PTPRE: variants seen among roughly 807,000 people sequenced by gnomAD.
The protein encoded by PTPRE is receptor-type tyrosine-protein phosphatase epsilon.
Under a neutral mutation model 102.0 loss-of-function variants are expected in PTPRE, and 51 were observed. The observed-to-expected ratio is 0.50, with a 90% CI of 0.40 to 0.63. PTPRE has a LOEUF of 0.63. PTPRE is among the 30% of genes least tolerant of loss of function. The pLI is 0.00. For missense variants in PTPRE, 752 were observed against 915.1 expected (o/e 0.82, Z 2.30); for synonymous variants, 345 against 348.2 (o/e 0.99, Z 0.10).
chr10:127,919,844 T>C (rs1412241365), intron 1 of PTPRE, among the ~76,000 whole-genome samples: 2 of 152,236 alleles, frequency 1.3e-5, no homozygotes. Context: ...TATGTCAAAA[T>C]ACACATCCTG....
chr10:128,061,111 CT>C, intron 8 of PTPRE, 96 bp downstream of exon 8: 1 of 1,257,338 alleles, frequency 8.0e-7, no homozygotes, highest in Non-Finnish European at 1.1e-6. Context: ...TTGTCACAAC[CT>C]TTCTGGGCAG....
At chr10:127,963,909 A>C (rs57688074) in intron 1 of PTPRE, among the ~76,000 whole-genome samples, 5,614 of 152,172 alleles carry the variant, frequency 0.037, 372 homozygotes, top group African/African-American at 0.13. Context: ...AGCTACCTTG[A>C]CCCTCTGTGC....
At chr10:127,972,566 G>A (rs1201942781) in intron 1 of PTPRE, among the ~76,000 whole-genome samples, 1 of 152,204 alleles carries the variant, frequency 6.6e-6, no homozygotes. Flanking sequence ...CCTTACCTGG[G>A]CTTTACCCTC....
At chr10:128,079,803 T>C (rs1047597769) in intron 20 of PTPRE, 108 bp downstream of exon 20, 15 of 1,374,096 alleles carry the variant, frequency 1.1e-5, no homozygotes, top group East Asian at 2.4e-5. Context: ...GGTGGGAAGG[T>C]AAAATTCCCA....
chr10:128,073,495 T>A, intron 17 of PTPRE, 24 bp downstream of exon 17: 1 of 1,601,702 alleles, frequency 6.2e-7, no homozygotes, highest in Non-Finnish European at 8.5e-7. Flanking sequence ...CCCAGCCCGG[T>A]CCCTCCAGGG....
chr10:128,035,184 A>G (rs1435028813), intron 2 of PTPRE, among the ~76,000 whole-genome samples: 1 of 152,098 alleles, frequency 6.6e-6, no homozygotes, highest in Non-Finnish European at 1.5e-5. Context: ...GGGTTTTGCC[A>G]TATTGCCCAG....
Position 127,959,844 on chromosome 10 carries a change from A to G in PTPRE, c.-30-22430A>G, listed in dbSNP as rs565378913. Among the ~76,000 whole-genome samples the G allele has an allele frequency of 1.3e-3, 194 of 152,286 alleles. 1 individual carries two copies. The highest frequency in any genetic ancestry group is 4.6e-3 in the African/African-American group (190 of 41,560). ...CCTTGCAGGCTGCTTGTGAGGGTCC[A>G]TGAGATATTATGAAGCTTCTAGCAC... On this transcript the variant is annotated intron_variant, in intron 1 of 20. Transcript: ENST00000254667.
chr10:128,071,210 C>T (rs1379601459), intron 15 of PTPRE: 9 of 406,292 alleles, frequency 2.2e-5, no homozygotes, highest in East Asian at 4.6e-5. Flanking sequence ...TGGAGATTTG[C>T]GGCAGGCACG....
At chr10:127,947,328 G>A (rs993081817) in intron 1 of PTPRE, among the ~76,000 whole-genome samples, 5 of 152,220 alleles carry the variant, frequency 3.3e-5, no homozygotes, top group South Asian at 2.1e-4. Flanking sequence ...CCAGATTCAC[G>A]TGCATTCAAA....
Position 128,070,823 on chromosome 10 carries a change from C to G in PTPRE, c.1309C>G (p.Arg437Gly), listed in dbSNP as rs777749200. The G allele has an allele frequency of 3.1e-6, 5 of 1,613,660 alleles. No homozygotes were observed. In the South Asian group the frequency reaches 3.3e-5, roughly 11 times the overall value. Reference sequence around the variant, plus strand: ...TCTGCTGCAGAAATTGACAAATGTCCGGATCATGAAGGAGAACATGAGGAC... The same window carrying G: ...TCTGCTGCAGAAATTGACAAATGTCGGGATCATGAAGGAGAACATGAGGAC... ...EEEFRKLTNV[R>G]IMKENMRTGN... is the part of the protein sequence containing the mutation. Residue 437 changes from arginine (R) to glycine (G), a missense_variant, in exon 15 of 21, where the codon CGG becomes GGG. Arg to Gly is a moderately radical substitution (Grantham distance 125). Coordinates refer to ENST00000254667, the MANE Select transcript of PTPRE (RefSeq NM_006504.6). This position sits in a 1 kb window ranked among gnomAD's most constrained non-coding sequence, Gnocchi z 4.8.
At chr10:128,052,871 C>T (rs1848660552) in intron 6 of PTPRE, among the ~76,000 whole-genome samples, 1 of 152,186 alleles carries the variant, frequency 6.6e-6, no homozygotes, top group South Asian at 2.1e-4. Flanking sequence ...ACTGCCCACA[C>T]CTAGCTTCTT....
At chr10:127,912,404 A>C (rs918454734) in intron 1 of PTPRE, among the ~76,000 whole-genome samples, 5 of 152,122 alleles carry the variant, frequency 3.3e-5, no homozygotes, top group African/African-American at 9.6e-5. Flanking sequence ...TTTCAAATGC[A>C]ATCAAGAATG....
At chr10:127,934,020 C>CCCCG (rs1847635989) in intron 1 of PTPRE, 1 of 104,586 alleles carries the variant, frequency 9.6e-6, no homozygotes. Context: ...CCCCCACCCC[C>CCCCG]CGCGCACACA....
intron 1 of PTPRE, among the ~76,000 whole-genome samples, chr10:127,941,762 C>A (rs1209754355): frequency 6.6e-6 from 1 of 152,128 alleles, no homozygotes; most frequent in East Asian, 1.9e-4. Flanking sequence ...ACTCCCACCC[C>A]CTCCATCTCA....
chr10:128,081,734 C>T (rs987840421), intron 20 of PTPRE, among the ~76,000 whole-genome samples: 4 of 152,180 alleles, frequency 2.6e-5, no homozygotes, highest in African/African-American at 7.2e-5. Flanking sequence ...GAAGTGAGGA[C>T]CCTACAATGT....
In PTPRE at chr10:128,049,573, C is replaced by G; in HGVS notation, c.327C>G (p.Pro109=). The part of the protein sequence containing the change: ...VMLLSRSPSG[P]KKYFPIPVEH... ...TGCTCAGCAGGTCACCCTCAGGGCC[C>G]AAGAAGTATTTTCCCATCCCCGTGG... The change falls in exon 6 of 21, where the codon CCC becomes CCG. Residue 109 remains proline (P), a synonymous_variant. Transcript: ENST00000254667. 1 of 1,613,992 alleles carries G rather than the reference C, an allele frequency of 6.2e-7. No individual in the cohort carries two copies. The highest frequency in any genetic ancestry group is 1.3e-5 in the African/African-American group (1 of 75,010).
In PTPRE at chr10:127,982,260, T is replaced by C; in HGVS notation, c.-30-14T>C. 1 of 1,262,814 alleles carries C rather than the reference T, an allele frequency of 7.9e-7. No individual in the cohort carries two copies. Among genetic ancestry groups the C allele is most frequent in the Non-Finnish European group, 1.0e-6 (1 of 972,238 alleles). 78.2% of individuals were successfully genotyped at this position (1,262,814 alleles called of 1,614,324 possible). ...ACCAGAAAACTGACTTTTTTTTTCT[T>C]CTTTCTTCTTCAGACTATAGCCTTC... On this transcript the variant is annotated splice_polypyrimidine_tract_variant and intron_variant, in intron 1 of 20. Transcript: ENST00000254667.
chr10:128,082,992 T>C lies in PTPRE; in HGVS notation c.*86T>C, dbSNP rs1033194201. The C allele has an allele frequency of 7.9e-7, 1 of 1,272,964 alleles. No homozygotes were observed. The highest frequency in any genetic ancestry group is 1.0e-6 in the Non-Finnish European group (1 of 963,922). 78.9% of individuals were successfully genotyped at this position (1,272,964 alleles called of 1,614,324 possible). A position where few individuals can be genotyped will look rare whatever the true frequency, so the allele number is the denominator to read the frequency against. ...TAATTTATTTCATAGTTGACATTAA[T>C]ATCTTCCCTAATTTCTTTGTATATA... On this transcript the variant is annotated 3_prime_UTR_variant, in exon 21 of 21. Coordinates refer to ENST00000254667, the MANE Select transcript of PTPRE (RefSeq NM_006504.6).
At position 128,001,590 on chromosome 10, in the gene PTPRE, A is replaced by G. The variant is rs565628940; in HGVS notation, c.-8+19294A>G. 2.4e-4 allele frequency among the ~76,000 whole-genome samples: 37 copies of G among 151,810 alleles called. No individual in the cohort carries two copies. In the South Asian group the frequency reaches 7.7e-3, roughly 32 times the overall value. On this transcript the variant is annotated intron_variant, in intron 2 of 20. Transcript: ENST00000254667. ...CCTCCTACTTCAAAACCCCAGGCCG[A>G]CCCCCAGTACAGTGCACAGGCAGGG...
Sources: allele counts gnomAD v4.1 joint callset (sites outside exome capture counted in the v4.1 genomes callset), GRCh38; gene constraint gnomAD v4.1.1; non-coding constraint Gnocchi (gnomAD v3.1); transcripts MANE v1.5; gene names NCBI Gene and HGNC (gene_info 2026-07-23, HGNC 2026-07-21).